The following CYP4X1 variants were observed in gnomAD, a reference collection of about 807,000 sequenced individuals.
The protein encoded by CYP4X1 is cytochrome P450 family 4 subfamily X member 1.
CYP4X1 carries 44 observed loss-of-function variants against 57.9 expected under a neutral mutation model. The observed-to-expected ratio is 0.76, with a 90% CI of 0.60 to 0.98. CYP4X1 has a LOEUF of 0.98. Among genes scored for constraint, CYP4X1 ranks in the 50% least tolerant of loss-of-function variants. The pLI is 0.00. For synonymous variants in CYP4X1, 227 were observed against 228.6 expected (o/e 0.99, Z 0.06); for missense variants, 532 against 623.9 (o/e 0.85, Z 1.57).
At chr1:46,973,343 G>A in the CYP4X1 span, among the ~76,000 whole-genome samples, 1 of 152,038 alleles carries the variant, frequency 6.6e-6, no homozygotes, top group Non-Finnish European at 1.5e-5. Flanking sequence ...ATTTTTTTGA[G>A]AATTTTTGCT....
the CYP4X1 span, among the ~76,000 whole-genome samples, chr1:46,989,949 G>A: frequency 6.6e-6 from 1 of 152,198 alleles, no homozygotes. Flanking sequence ...AAAAACTCTA[G>A]AAGAAAACCT....
At chr1:47,037,899 A>G (rs575129904) in intron 6 of CYP4X1, among the ~76,000 whole-genome samples, 9 of 152,308 alleles carry the variant, frequency 5.9e-5, no homozygotes, top group African/African-American at 1.7e-4. Flanking sequence ...CAGTTGTCCC[A>G]TCACCATTAT....
At chr1:47,039,584 C>A (rs749005432) in intron 8 of CYP4X1, 52 bp downstream of exon 8, 8 of 1,500,330 alleles carry the variant, frequency 5.3e-6, no homozygotes, top group Non-Finnish European at 7.1e-6. Flanking sequence ...TGAGATTTTG[C>A]TTTATTTTTT....
chr1:47,023,628 G>A (rs1644022533), upstream of CYP4X1: 3 of 1,324,112 alleles, frequency 2.3e-6, no homozygotes, highest in South Asian at 4.6e-5. Context: ...AATCCCGCAC[G>A]CGCGCCTGCC....
intron 8 of CYP4X1, among the ~76,000 whole-genome samples, chr1:47,043,094 G>T (rs903340430): frequency 2.6e-5 from 4 of 152,092 alleles, no homozygotes; most frequent in Non-Finnish European, 5.9e-5. Context: ...AGTGTTCCCT[G>T]TTCACTGTAT....
At chr1:46,975,359 G>T in the CYP4X1 span, among the ~76,000 whole-genome samples, 1 of 152,152 alleles carries the variant, frequency 6.6e-6, no homozygotes, top group Admixed American at 6.5e-5. Flanking sequence ...GGCAGTTCTG[G>T]TGGTAATGAA....
upstream of CYP4X1, among the ~76,000 whole-genome samples, chr1:47,019,687 T>C (rs1264273288): frequency 6.6e-6 from 1 of 152,116 alleles, no homozygotes; most frequent in Non-Finnish European, 1.5e-5. Context: ...ACCTTCCCCA[T>C]CCCAATTTAT....
upstream of CYP4X1, among the ~76,000 whole-genome samples, chr1:47,022,428 T>C (rs866922981): frequency 3.0e-4 from 45 of 151,860 alleles, no homozygotes; most frequent in Middle Eastern, 3.4e-3. Flanking sequence ...GTAGCTGGGA[T>C]TACAGGCGCG....
chr1:46,962,204 C>T, the CYP4X1 span, among the ~76,000 whole-genome samples: 1 of 152,116 alleles, frequency 6.6e-6, no homozygotes, highest in Non-Finnish European at 1.5e-5. Context: ...GCAGCCTCCG[C>T]CTCCCGGGTT....
chr1:46,993,832 C>T, the CYP4X1 span, among the ~76,000 whole-genome samples: 1 of 151,794 alleles, frequency 6.6e-6, no homozygotes, highest in Non-Finnish European at 1.5e-5. Flanking sequence ...GGATATTAGC[C>T]CTTTGTCAGA....
chr1:47,013,833 G>A, the CYP4X1 span, among the ~76,000 whole-genome samples: 6 of 144,394 alleles, frequency 4.2e-5, no homozygotes, highest in South Asian at 8.7e-4. Context: ...CATGATCTCA[G>A]TTCACTGCAA....
At chr1:46,965,010 G>A in the CYP4X1 span, among the ~76,000 whole-genome samples, 1 of 152,228 alleles carries the variant, frequency 6.6e-6, no homozygotes, top group South Asian at 2.1e-4. Flanking sequence ...CAATGAGTGA[G>A]GCACCTTGGG....
chr1:47,041,731 T>C (rs140707425), intron 8 of CYP4X1, among the ~76,000 whole-genome samples: 38 of 152,230 alleles, frequency 2.5e-4, no homozygotes, highest in African/African-American at 8.9e-4. Context: ...CTTTAAGTTG[T>C]CTCTTCACTA....
At chr1:46,980,955 TCCTTGCA>T in the CYP4X1 span, among the ~76,000 whole-genome samples, 1 of 152,162 alleles carries the variant, frequency 6.6e-6, no homozygotes, top group Non-Finnish European at 1.5e-5. Context: ...CTGGATCCCT[TCCTTGCA>T]CCTTATACAA....
At chr1:47,044,478 AT>A (rs879939091) in intron 8 of CYP4X1, among the ~76,000 whole-genome samples, 1 of 152,178 alleles carries the variant, frequency 6.6e-6, no homozygotes, top group Non-Finnish European at 1.5e-5. Context: ...AGCAACAGTC[AT>A]TTTTAATAGT....
At chr1:46,981,476 G>A in the CYP4X1 span, among the ~76,000 whole-genome samples, 1 of 152,118 alleles carries the variant, frequency 6.6e-6, no homozygotes, top group African/African-American at 2.4e-5. Flanking sequence ...AAAAAGTCAG[G>A]AAACAACAGG....
At position 47,038,720 on chromosome 1, in the gene CYP4X1, C is replaced by G. The variant is rs751651489; in HGVS notation, c.836C>G (p.Pro279Arg). Residue 279 changes from proline to arginine, a missense_variant, in exon 7 of 12, where the codon CCG becomes CGG. Transcript: ENST00000371901. ...LQAGVKQDNT[P>R]KRKYQDFLDI... ...GCTGGGGTAAAGCAGGATAACACTC[C>G]GAAGAGGAAGTACCAGGATTTTCTG... 6.2e-7 allele frequency: 1 copy of G among 1,611,032 alleles called. No individual in the cohort carries two copies. Among genetic ancestry groups the G allele is most frequent in the Non-Finnish European group, 8.5e-7 (1 of 1,178,582 alleles).
chr1:47,020,372 C>T (rs1569594025), upstream of CYP4X1, among the ~76,000 whole-genome samples: 1 of 152,352 alleles, frequency 6.6e-6, no homozygotes. Flanking sequence ...TAAATATTCA[C>T]TCAGTAAGTG....
the CYP4X1 span, among the ~76,000 whole-genome samples, chr1:46,989,994 G>T: frequency 2.0e-5 from 3 of 152,166 alleles, no homozygotes; most frequent in Non-Finnish European, 4.4e-5. Context: ...CATGGGCAAA[G>T]GCCTCATGAC....
Sources: gnomAD v4.1 joint callset for allele counts (sites outside exome capture counted in the v4.1 genomes callset) on GRCh38, gnomAD v4.1.1 for gene constraint, MANE v1.5 for transcripts, NCBI Gene and HGNC (gene_info 2026-07-23, HGNC 2026-07-21) for gene names.